The following BMP2K variants were observed in gnomAD, a reference collection of about 807,000 sequenced individuals.
BMP2K encodes BMP2 inducible kinase.
Under a neutral mutation model 116.0 loss-of-function variants are expected in BMP2K, and 74 were observed. The ratio of observed to expected loss-of-function variants is 0.64; its 90% CI spans 0.53 to 0.77. The LOEUF (loss-of-function observed/expected upper bound fraction) is 0.77, where lower values mean the gene tolerates loss of function less well. BMP2K is among the 30% of genes least tolerant of loss of function. The pLI, the probability that BMP2K is intolerant of heterozygous loss-of-function variation, is 0.00. For missense variants in BMP2K, 1,365 were observed against 1,403.6 expected (o/e 0.97, Z 0.44); for synonymous variants, 486 against 502.5 (o/e 0.97, Z 0.44).
At chr4:78,898,535 A>G (rs893338304) in intron 15 of BMP2K, among the ~76,000 whole-genome samples, 8 of 151,090 alleles carry the variant, frequency 5.3e-5, no homozygotes, top group African/African-American at 1.9e-4. Context: ...GGAAAGGAAT[A>G]TGATTAATAC....
At chr4:78,852,627 C>A (rs552814915) in intron 7 of BMP2K, among the ~76,000 whole-genome samples, 1 of 152,198 alleles carries the variant, frequency 6.6e-6, no homozygotes, top group Non-Finnish European at 1.5e-5. Flanking sequence ...CTTCAAGAGA[C>A]AAGGTCTCAT....
chr4:78,816,617 A>T (rs1050735710), intron 1 of BMP2K, among the ~76,000 whole-genome samples: 6 of 152,216 alleles, frequency 3.9e-5, no homozygotes, highest in Admixed American at 3.3e-4. Flanking sequence ...TTGTAAATAA[A>T]GTACTGGTTA....
chr4:78,842,812 G>C (rs947386837), intron 4 of BMP2K, among the ~76,000 whole-genome samples: 2 of 151,904 alleles, frequency 1.3e-5, no homozygotes, highest in Non-Finnish European at 2.9e-5. Flanking sequence ...ACATAAATGT[G>C]ATTTTCATTG....
chr4:78,893,114 A>G (rs1294085265), intron 15 of BMP2K, among the ~76,000 whole-genome samples: 1 of 152,222 alleles, frequency 6.6e-6, no homozygotes, highest in Non-Finnish European at 1.5e-5. Flanking sequence ...AAACCATACC[A>G]TTGCTTTATG....
chr4:78,817,790 G>T (rs1010559182), intron 1 of BMP2K, among the ~76,000 whole-genome samples: 2 of 152,096 alleles, frequency 1.3e-5, no homozygotes, highest in Non-Finnish European at 2.9e-5. Context: ...ACCTCTAGTT[G>T]GTTTTCTGGT....
At chr4:78,886,656 T>A (rs1480629895) in intron 14 of BMP2K, among the ~76,000 whole-genome samples, 1 of 152,004 alleles carries the variant, frequency 6.6e-6, no homozygotes, top group Non-Finnish European at 1.5e-5. Context: ...GGCATGTGTG[T>A]TTGTGTGTGT....
At chr4:78,823,440 A>G (rs1021363864) in intron 1 of BMP2K, among the ~76,000 whole-genome samples, 1 of 150,532 alleles carries the variant, frequency 6.6e-6, no homozygotes, top group Non-Finnish European at 1.5e-5. Context: ...GTAAAATAGT[A>G]TAACAAGTAG....
At chr4:78,835,627 C>CAAAAAA (rs561192085) in intron 3 of BMP2K, among the ~76,000 whole-genome samples, 1 of 69,494 alleles carries the variant, frequency 1.4e-5, no homozygotes, top group Non-Finnish European at 3.7e-5. Flanking sequence ...GACTCCGTGT[C>CAAAAAA]AAAAAAAAAA....
chr4:78,852,566 G>A (rs957414701), intron 7 of BMP2K, among the ~76,000 whole-genome samples: 3 of 152,040 alleles, frequency 2.0e-5, no homozygotes, highest in Admixed American at 1.3e-4. Flanking sequence ...AATGTAATGT[G>A]TTTTAGAAAA....
Position 78,910,806 on chromosome 4 carries a change from C to T in BMP2K, c.2259C>T (p.Ser753=). The T allele has an allele frequency of 6.2e-7, 1 of 1,613,778 alleles. No individual in the cohort carries two copies. ...DFESDPPSPK[S]SEEEEQDDEE... ...AATCAGATCCCCCTTCTCCTAAGAG[C>T]AGTGAAGAGGAAGAGCAAGATGATG... Residue 753 remains serine (S), a synonymous_variant, in exon 16 of 16, where the codon AGC becomes AGT. Coordinates refer to ENST00000502613, the MANE Select transcript of BMP2K (RefSeq NM_198892.2).
intron 1 of BMP2K, among the ~76,000 whole-genome samples, chr4:78,779,510 T>C (rs1435456891): frequency 6.6e-6 from 1 of 152,248 alleles, no homozygotes; most frequent in Non-Finnish European, 1.5e-5. Context: ...GTTTACACTA[T>C]GTAAGCTGAA....
chr4:78,833,666 A>C lies in BMP2K; in HGVS notation c.382A>C (p.Ile128Leu). Reference sequence around the variant, plus strand: ...TAGTGATAATGTATGGGAAGTCCTTATCTTAATGGAATATTGTCGAGGTAA... The same window carrying C: ...TAGTGATAATGTATGGGAAGTCCTTCTCTTAATGGAATATTGTCGAGGTAA... ...SISDNVWEVL[I>L]LMEYCRAGQV... The change falls in exon 3 of 16, where the codon ATC becomes CTC. Residue 128 changes from isoleucine (I) to leucine (L), a missense_variant. By Grantham distance (5) the Ile-to-Leu change is conservative (BLOSUM62 2). Around this residue, in one of 3 missense-constraint regions of BMP2K, gnomAD observed 762 missense variants for 756.7 expected, o/e 1.01. Transcript: ENST00000502613. The C allele has an allele frequency of 6.2e-7, 1 of 1,604,464 alleles. No homozygotes were observed. Among genetic ancestry groups the C allele is most frequent in the Non-Finnish European group, 8.5e-7 (1 of 1,176,916 alleles).
At chr4:78,875,766 A>T (rs1034563323) in intron 13 of BMP2K, among the ~76,000 whole-genome samples, 1 of 152,226 alleles carries the variant, frequency 6.6e-6, no homozygotes, top group Non-Finnish European at 1.5e-5. Flanking sequence ...AGGAGGCTTC[A>T]GTCCCCTGCC....
At chr4:78,809,228 A>C (rs78645101) in intron 1 of BMP2K, among the ~76,000 whole-genome samples, 202 of 151,966 alleles carry the variant, frequency 1.3e-3, no homozygotes, top group African/African-American at 4.7e-3. Context: ...CTTTAGTCAC[A>C]ATTTTTGTCT....
At chr4:78,781,546 A>G (rs1202836930) in intron 1 of BMP2K, among the ~76,000 whole-genome samples, 2 of 151,918 alleles carry the variant, frequency 1.3e-5, no homozygotes, top group Non-Finnish European at 1.5e-5. Context: ...GTCGTCTGGA[A>G]CTCAGCAAAG....
chr4:78,886,657 TTG>T (rs148327976), intron 14 of BMP2K, among the ~76,000 whole-genome samples: 5 of 151,470 alleles, frequency 3.3e-5, no homozygotes, highest in South Asian at 2.1e-4. Context: ...GCATGTGTGT[TTG>T]TGTGTGTGTG....
chr4:78,877,907 G>A (rs529068606), intron 13 of BMP2K, among the ~76,000 whole-genome samples: 74 of 152,234 alleles, frequency 4.9e-4, no homozygotes, highest in Non-Finnish European at 9.4e-4. Flanking sequence ...ACCATCATAT[G>A]TATGGTCCAT....
intron 2 of BMP2K, among the ~76,000 whole-genome samples, chr4:78,828,960 AT>A (rs1364213116): frequency 1.3e-5 from 2 of 152,122 alleles, no homozygotes; most frequent in Admixed American, 6.5e-5. Context: ...AAGTTTTTGA[AT>A]TTTTGCATAG....
intron 4 of BMP2K, among the ~76,000 whole-genome samples, chr4:78,843,852 A>G (rs1730874696): frequency 6.6e-6 from 1 of 151,886 alleles, no homozygotes; most frequent in South Asian, 2.1e-4. Context: ...TTAAATTCAG[A>G]AGACATTTAA....
Sources: gnomAD v4.1 joint callset for allele counts (sites outside exome capture counted in the v4.1 genomes callset) on GRCh38, gnomAD v4.1.1 for gene constraint, gnomAD v4.1.1 regional missense constraint, MANE v1.5 for transcripts, NCBI Gene and HGNC (gene_info 2026-07-23, HGNC 2026-07-21) for gene names.